GUCA1C: variants seen among roughly 807,000 people sequenced by gnomAD.
GUCA1C encodes guanylate cyclase activator 1C, also known as guanylyl cyclase-activating protein 3.
GUCA1C carries 15 observed loss-of-function variants against 16.2 expected under a neutral mutation model. The observed-to-expected ratio is 0.93, with a 90% CI of 0.62 to 1.43. The LOEUF (loss-of-function observed/expected upper bound fraction) is 1.43. Among genes scored for constraint, GUCA1C ranks in the 40% most tolerant of loss-of-function variants. The pLI is 0.00. For synonymous variants in GUCA1C, 78 were observed against 85.4 expected, an observed-to-expected ratio of 0.91 and a Z score of 0.48; for missense variants, 275 against 244.8, an observed-to-expected ratio of 1.12 and a Z score of -0.82.
chr3:108,934,074 G>A (rs1454811665), intron 1 of GUCA1C, among the ~76,000 whole-genome samples: 2 of 152,064 alleles, frequency 1.3e-5, no homozygotes, highest in African/African-American at 4.8e-5. Context: ...AACTAACACA[G>A]GAACAGAAAA....
At chr3:108,934,268 C>A (rs1366431333) in intron 1 of GUCA1C, among the ~76,000 whole-genome samples, 1 of 152,174 alleles carries the variant, frequency 6.6e-6, no homozygotes, top group Non-Finnish European at 1.5e-5. Context: ...TGGGTGCAGA[C>A]AACCACCATG....
intron 1 of GUCA1C, among the ~76,000 whole-genome samples, chr3:108,924,799 A>G (rs796693984): frequency 4.6e-5 from 7 of 152,130 alleles, no homozygotes; most frequent in African/African-American, 1.4e-4. Context: ...TACCATTTCA[A>G]TCTTGCTGCT....
intron 1 of GUCA1C, among the ~76,000 whole-genome samples, chr3:108,936,262 G>A (rs1209044134): frequency 2.7e-5 from 4 of 149,540 alleles, no homozygotes; most frequent in Non-Finnish European, 5.9e-5. Flanking sequence ...ACCCTGTCTC[G>A]AAAAAAAAGG....
chr3:108,917,090 C>T (rs1018876065), intron 2 of GUCA1C, among the ~76,000 whole-genome samples: 4 of 152,110 alleles, frequency 2.6e-5, no homozygotes, highest in African/African-American at 9.7e-5. Context: ...CCAGTCTTGG[C>T]TTTAGCAAGT....
chr3:108,937,966 G>A (rs985815770), intron 1 of GUCA1C, among the ~76,000 whole-genome samples: 2 of 152,006 alleles, frequency 1.3e-5, no homozygotes, highest in African/African-American at 4.8e-5. Context: ...AGCTACTCGG[G>A]AGGCTAAGAC....
intron 1 of GUCA1C, among the ~76,000 whole-genome samples, chr3:108,944,932 G>A (rs1409669223): frequency 6.6e-6 from 1 of 152,202 alleles, no homozygotes; most frequent in East Asian, 1.9e-4. Flanking sequence ...GACTTGGAGA[G>A]GAGTAAACGG....
intron 3 of GUCA1C, among the ~76,000 whole-genome samples, chr3:108,914,441 G>C (rs967523070): frequency 2.0e-5 from 3 of 152,168 alleles, no homozygotes; most frequent in African/African-American, 7.2e-5. Flanking sequence ...TAGAATCTTA[G>C]TGTTTTCCTA....
chr3:108,940,488 T>C (rs1946774751), intron 1 of GUCA1C, among the ~76,000 whole-genome samples: 1 of 152,186 alleles, frequency 6.6e-6, no homozygotes, highest in South Asian at 2.1e-4. Context: ...GAGTCCTGGG[T>C]TATAGTAAGA....
chr3:108,916,252 T>C (rs9845098), intron 2 of GUCA1C, 38 bp from the exon 3 acceptor site: 170,577 of 1,592,374 alleles, frequency 0.11, 9,604 homozygotes, highest in Middle Eastern at 0.17. Context: ...TCAACTTTTC[T>C]GGAAGCAAAT....
intron 2 of GUCA1C, 79 bp from the exon 3 acceptor site, chr3:108,916,293 C>T: frequency 7.1e-7 from 1 of 1,400,794 alleles, no homozygotes; most frequent in Non-Finnish European, 9.9e-7. Context: ...TCCGATGTGA[C>T]AGAATTTGGG....
At chr3:108,928,006 G>A (rs1420268067) in intron 1 of GUCA1C, among the ~76,000 whole-genome samples, 3 of 152,206 alleles carry the variant, frequency 2.0e-5, no homozygotes, top group Non-Finnish European at 2.9e-5. Flanking sequence ...GTCACCTAGC[G>A]GAGCTACTGT....
At chr3:108,919,880 T>G (rs1001940445) in intron 2 of GUCA1C, among the ~76,000 whole-genome samples, 5 of 152,182 alleles carry the variant, frequency 3.3e-5, no homozygotes, top group Non-Finnish European at 7.4e-5. Context: ...ACCATTTTTT[T>G]ACTCTGGGAT....
intron 1 of GUCA1C, among the ~76,000 whole-genome samples, chr3:108,925,093 T>C (rs1014913993): frequency 3.9e-5 from 5 of 126,712 alleles, no homozygotes; most frequent in African/African-American, 1.5e-4. Context: ...TTTTGTTTCA[T>C]ATACCTTTTG....
chr3:108,909,312 T>A (rs6784432), intron 3 of GUCA1C, among the ~76,000 whole-genome samples: 1 of 152,224 alleles, frequency 6.6e-6, no homozygotes, highest in Admixed American at 6.5e-5. Context: ...ACAGCAGTCA[T>A]GAGTAGGGCC....
chr3:108,940,363 A>G (rs935559028), intron 1 of GUCA1C, among the ~76,000 whole-genome samples: 4 of 152,248 alleles, frequency 2.6e-5, no homozygotes, highest in South Asian at 2.1e-4. Context: ...TTATGACACA[A>G]GTTAAAAGGC....
chr3:108,953,629 C>T lies in GUCA1C; in HGVS notation c.134G>A (p.Gly45Asp). Residue 45 changes from glycine (G) to aspartate (D), a missense_variant, in exon 1 of 4, where the codon GGT becomes GAT. Gly to Asp is a moderately conservative substitution (Grantham distance 94, BLOSUM62 -1). Coordinates refer to ENST00000261047, the MANE Select transcript of GUCA1C (RefSeq NM_005459.4). ...QTLHEFKTLL[G>D]LQGLNQKANK... is the part of the protein sequence containing the mutation. ...GGCCTTCTGATTCAGACCTTGCAGA[C>T]CCAAAAGTGTCTTAAATTCATGTAG... 1 of 1,613,344 alleles carries T rather than the reference C, an allele frequency of 6.2e-7. No homozygotes were observed. The highest frequency in any genetic ancestry group is 1.1e-5 in the South Asian group (1 of 91,068).
intron 1 of GUCA1C, among the ~76,000 whole-genome samples, chr3:108,947,776 T>C (rs1248891911): frequency 1.3e-5 from 2 of 152,226 alleles, no homozygotes; most frequent in African/African-American, 2.4e-5. Context: ...GCTATTCTAC[T>C]TTTGTATGTG....
chr3:108,923,053 C>CT (rs1413243217), intron 1 of GUCA1C, among the ~76,000 whole-genome samples: 1 of 152,040 alleles, frequency 6.6e-6, no homozygotes, highest in Admixed American at 6.6e-5. Flanking sequence ...TGTTTGAGTT[C>CT]TTTGTAGATT....
At chr3:108,954,180 A>G (rs1385824228), upstream of GUCA1C, among the ~76,000 whole-genome samples, 2 of 152,200 alleles carry the variant, frequency 1.3e-5, no homozygotes, top group Non-Finnish European at 2.9e-5. Flanking sequence ...AACTATATTG[A>G]AACATTACTT....
Sources: gnomAD v4.1 joint callset for allele counts (sites outside exome capture counted in the v4.1 genomes callset) on GRCh38, gnomAD v4.1.1 for gene constraint, MANE v1.5 for transcripts, NCBI Gene and HGNC (gene_info 2026-07-23, HGNC 2026-07-21) for gene names.